The following PPM1L variants were observed in gnomAD, a reference collection of about 807,000 sequenced individuals.
PPM1L encodes protein phosphatase 1L.
In PPM1L, 13 loss-of-function variants were observed where a neutral mutation model predicts 31.4. The observed-to-expected ratio is 0.41, with a 90% CI of 0.27 to 0.66. PPM1L has a LOEUF of 0.66. PPM1L is among the 30% of genes least tolerant of loss of function. The pLI is 0.29. For synonymous variants in PPM1L, 184 were observed against 175.4 expected, an observed-to-expected ratio of 1.05 and a Z score of -0.39; for missense variants, 326 against 453.7, an observed-to-expected ratio of 0.72 and a Z score of 2.56.
At chr3:161,022,239 G>A (rs939364019) in intron 2 of PPM1L, 5 of 611,548 alleles carry the variant, frequency 8.2e-6, no homozygotes, top group Admixed American at 5.8e-5. Context: ...AACTAATTTC[G>A]ATTTTAAACA....
intron 1 of PPM1L, among the ~76,000 whole-genome samples, chr3:160,838,906 C>A (rs1309715862): frequency 6.6e-6 from 1 of 152,110 alleles, no homozygotes; most frequent in Non-Finnish European, 1.5e-5. Context: ...AAACTTAATA[C>A]CCAAATTTAT....
intron 1 of PPM1L, among the ~76,000 whole-genome samples, chr3:160,848,826 C>T (rs1243075140): frequency 6.6e-6 from 1 of 152,212 alleles, no homozygotes; most frequent in Non-Finnish European, 1.5e-5. Context: ...TTCTTTCTCT[C>T]ATTTTATGAA....
intron 1 of PPM1L, among the ~76,000 whole-genome samples, chr3:160,814,253 G>A (rs746817245): frequency 8.5e-5 from 13 of 152,114 alleles, no homozygotes; most frequent in Non-Finnish European, 1.8e-4. Flanking sequence ...GATCTGAACA[G>A]TAGATACTGC....
intron 1 of PPM1L, among the ~76,000 whole-genome samples, chr3:160,820,284 A>C (rs1466540789): frequency 1.3e-5 from 2 of 152,114 alleles, no homozygotes; most frequent in Non-Finnish European, 2.9e-5. Context: ...TCCTTGGTTT[A>C]TTTGCTTTCA....
At chr3:160,877,281 T>C (rs960278081) in intron 1 of PPM1L, among the ~76,000 whole-genome samples, 11 of 152,198 alleles carry the variant, frequency 7.2e-5, no homozygotes, top group Non-Finnish European at 1.2e-4. Flanking sequence ...AAATTTGGCT[T>C]TTGCCATTTT....
At chr3:161,038,609 AAAAG>A (rs1390952315) in intron 2 of PPM1L, among the ~76,000 whole-genome samples, 4 of 148,420 alleles carry the variant, frequency 2.7e-5, no homozygotes, top group Non-Finnish European at 4.5e-5. Context: ...AAAAAAAAAA[AAAAG>A]CAAAATTGAC....
chr3:160,984,691 G>C (rs1335778015), intron 2 of PPM1L, among the ~76,000 whole-genome samples: 2 of 152,134 alleles, frequency 1.3e-5, no homozygotes, highest in African/African-American at 4.8e-5. Context: ...CCTGCAACAG[G>C]TCTTACTTAG....
intron 1 of PPM1L, among the ~76,000 whole-genome samples, chr3:160,934,617 T>A (rs1714899428): frequency 1.3e-5 from 2 of 152,192 alleles, no homozygotes; most frequent in African/African-American, 4.8e-5. Context: ...GTAGGACAGC[T>A]TGGTGAACTT....
intron 1 of PPM1L, among the ~76,000 whole-genome samples, chr3:160,770,832 G>A (rs1270056739): frequency 6.6e-6 from 1 of 152,136 alleles, no homozygotes; most frequent in Non-Finnish European, 1.5e-5. Context: ...AGGATTTCCT[G>A]TGCATAAGAT....
chr3:161,065,422 TCTG>T lies in PPM1L; in HGVS notation c.597_599del (p.Leu200del). The stretch of plus-strand genomic sequence containing the variant: ...TTTCAGGCACAACGTGTTTGATTGC[TCTG>T]CTATCAGATAAAGACCTCACTGTGG... On this transcript the variant is annotated inframe_deletion, in exon 3 of 4. Transcript: ENST00000498165. The T allele has an allele frequency of 6.2e-7, 1 of 1,614,082 alleles. No individual in the cohort carries two copies. Among genetic ancestry groups the T allele is most frequent in the Non-Finnish European group, 8.5e-7 (1 of 1,179,938 alleles).
At chr3:160,779,874 G>A (rs1316703491) in intron 1 of PPM1L, among the ~76,000 whole-genome samples, 1 of 151,842 alleles carries the variant, frequency 6.6e-6, no homozygotes, top group Non-Finnish European at 1.5e-5. Flanking sequence ...AGTTTTACTA[G>A]TTTTCTAGGC....
In PPM1L at chr3:161,066,539, C is replaced by T. The variant is rs561399157; in HGVS notation, c.736+975C>T. On this transcript the variant is annotated intron_variant, in intron 3 of 3. Transcript: ENST00000498165. ...CTAGAGTGATGTTTGGACAAAGACT[C>T]GGAGGATAATTATCAGTTGATTATT... Among the ~76,000 whole-genome samples, 85 of 152,244 alleles carry T rather than the reference C, an allele frequency of 5.6e-4. 1 individual carries two copies. The highest frequency in any genetic ancestry group is 2.0e-3 in the African/African-American group (82 of 41,556).
Position 160,756,428 on chromosome 3 carries a change from C to T in PPM1L, c.120C>T (p.Phe40=). 6.2e-7 allele frequency: 1 copy of T among 1,614,230 alleles called. No homozygotes were observed. Among genetic ancestry groups the T allele is most frequent in the Non-Finnish European group, 8.5e-7 (1 of 1,180,046 alleles). ...CISLALWSYF[F]HTDEVKTIVK... ...GCTTGGCTCTATGGAGTTACTTCTT[C>T]CACACCGACGAGGTGAAGACCATCG... The change falls in exon 1 of 4, where the codon TTC becomes TTT. Residue 40 remains phenylalanine, a synonymous_variant. Coordinates refer to ENST00000498165, the MANE Select transcript of PPM1L (RefSeq NM_139245.4). This position sits in a 1 kb window ranked among gnomAD's most constrained non-coding sequence, Gnocchi z 6.2.
intron 2 of PPM1L, among the ~76,000 whole-genome samples, chr3:160,976,226 A>G (rs1241244904): frequency 2.8e-5 from 4 of 142,880 alleles, no homozygotes; most frequent in African/African-American, 1.1e-4. Context: ...GATGAAGCCC[A>G]CTTGATCATG....
intron 1 of PPM1L, among the ~76,000 whole-genome samples, chr3:160,851,424 G>A (rs190307738): frequency 1.1e-3 from 163 of 152,304 alleles, no homozygotes; most frequent in Middle Eastern, 3.4e-3. Context: ...TGCCTGGTTT[G>A]TTAGGAGTAA....
At chr3:161,067,486 T>C (rs1338762302) in intron 3 of PPM1L, among the ~76,000 whole-genome samples, 1 of 152,220 alleles carries the variant, frequency 6.6e-6, no homozygotes, top group Admixed American at 6.5e-5. Flanking sequence ...GCCAAATACA[T>C]GTCTTTCTGT....
intron 1 of PPM1L, among the ~76,000 whole-genome samples, chr3:160,878,397 T>C (rs1712589676): frequency 6.6e-6 from 1 of 152,226 alleles, no homozygotes; most frequent in South Asian, 2.1e-4. Context: ...ATCAAAGTGC[T>C]GGCTTATTTA....
chr3:161,067,317 G>C (rs1231848916), intron 3 of PPM1L, among the ~76,000 whole-genome samples: 1 of 152,212 alleles, frequency 6.6e-6, no homozygotes, highest in Non-Finnish European at 1.5e-5. Flanking sequence ...TAACCTCTCT[G>C]TTCTTTTACA....
At chr3:160,923,892 GT>G (rs1467392414) in intron 1 of PPM1L, among the ~76,000 whole-genome samples, 2 of 152,088 alleles carry the variant, frequency 1.3e-5, no homozygotes, top group Non-Finnish European at 2.9e-5. Flanking sequence ...TTCACAAAAT[GT>G]TTTTTATTTT....
Sources: gnomAD v4.1 joint callset for allele counts (sites outside exome capture counted in the v4.1 genomes callset) on GRCh38, gnomAD v4.1.1 for gene constraint, Gnocchi (gnomAD v3.1) non-coding constraint, MANE v1.5 for transcripts, NCBI Gene and HGNC (gene_info 2026-07-23, HGNC 2026-07-21) for gene names.